The following ZNF407 variants were observed in gnomAD, a reference collection of about 807,000 sequenced individuals.
ZNF407 encodes zinc finger protein 407.
Under a neutral mutation model 131.2 loss-of-function variants are expected in ZNF407, and 17 were observed. That is an observed-to-expected ratio of 0.13 (90% CI 0.09 to 0.19). The LOEUF (loss-of-function observed/expected upper bound fraction) is 0.19. Among genes scored for constraint, ZNF407 ranks in the 10% least tolerant of loss-of-function variants. The pLI is 1.00. For synonymous variants in ZNF407, 1,156 were observed against 1,062.0 expected (o/e 1.09, Z -1.72); for missense variants, 2,681 against 2,830.6 (o/e 0.95, Z 1.20).
intron 4 of ZNF407, among the ~76,000 whole-genome samples, chr18:74,805,206 C>T (rs1176758024): frequency 6.6e-6 from 1 of 152,162 alleles, no homozygotes; most frequent in African/African-American, 2.4e-5. Context: ...CTTGGGCTTT[C>T]ATTTCAGAAC....
At position 74,949,999 on chromosome 18, in the gene ZNF407, G is replaced by C. The variant is rs532575518; in HGVS notation, c.5428+29307G>C. The stretch of plus-strand genomic sequence containing the variant: ...CTGATGGCTCCAGATGACCATCCTG[G>C]CTAATATTGCCTTCCCAGCAGCAGT... On this transcript the variant is annotated intron_variant, in intron 8 of 8. Coordinates refer to ENST00000299687, the MANE Select transcript of ZNF407 (RefSeq NM_017757.3). Among the ~76,000 whole-genome samples the C allele has an allele frequency of 3.9e-5, 6 of 152,274 alleles. No individual in the cohort carries two copies. The South Asian group carries it at 1.2e-3, about 32-fold the overall frequency.
intron 3 of ZNF407, among the ~76,000 whole-genome samples, chr18:74,726,302 A>G (rs890317544): frequency 6.6e-6 from 1 of 152,172 alleles, no homozygotes; most frequent in African/African-American, 2.4e-5. Flanking sequence ...GAATCATCTT[A>G]TTAGATGTGT....
At position 74,641,211 on chromosome 18, in the gene ZNF407, A is replaced by G. The variant is rs1984700032; in HGVS notation, c.4802+89A>G. 1.1e-5 allele frequency: 11 copies of G among 989,686 alleles called. No homozygotes were observed. The South Asian group carries it at 1.2e-4, about 11-fold the overall frequency. The allele number at this position is 989,686 out of a possible 1,614,324, so 61.3% of individuals were successfully genotyped here. On this transcript the variant is annotated intron_variant, in intron 3 of 8. Coordinates refer to ENST00000299687, the MANE Select transcript of ZNF407 (RefSeq NM_017757.3). ...TCGGAATTCAAAACCGATAGGAGTAAGAGTGGCTAAAATTATGCATGCGTA... is the reference window on the plus strand; with the variant it reads ...TCGGAATTCAAAACCGATAGGAGTAGGAGTGGCTAAAATTATGCATGCGTA...
In ZNF407 at chr18:74,755,777, C is replaced by T. The variant is rs1423635777; in HGVS notation, c.4803-25651C>T. On this transcript the variant is annotated intron_variant, in intron 3 of 8. Transcript: ENST00000299687. ...TCTTTCTTTCTTTCTTTCTTTCTCT[C>T]TCTCTCTTTCCTTCCTTCTTTCATT... Among the ~76,000 whole-genome samples the T allele has an allele frequency of 4.0e-3, 513 of 129,624 alleles. 5 individuals carry two copies. The highest frequency in any genetic ancestry group is 0.014 in the African/African-American group (445 of 32,690). The allele number at this position is 129,624 out of a possible 152,430, so 85.0% of individuals were successfully genotyped here. A position where few individuals can be genotyped will look rare whatever the true frequency, so the allele number is the denominator to read the frequency against.
chr18:74,930,278 A>G (rs1971967232), intron 8 of ZNF407, among the ~76,000 whole-genome samples: 1 of 152,238 alleles, frequency 6.6e-6, no homozygotes, highest in South Asian at 2.1e-4. Flanking sequence ...GTCATTTAAG[A>G]AAATACCAGA....
intron 3 of ZNF407, among the ~76,000 whole-genome samples, chr18:74,702,732 T>A (rs916872729): frequency 1.3e-5 from 2 of 152,218 alleles, no homozygotes; most frequent in African/African-American, 4.8e-5. Context: ...CCTATAAACA[T>A]TGATATGCAT....
At chr18:74,853,484 T>G (rs1460074344) in intron 4 of ZNF407, among the ~76,000 whole-genome samples, 1 of 152,212 alleles carries the variant, frequency 6.6e-6, no homozygotes, top group East Asian at 1.9e-4. Flanking sequence ...CAGAGTTGTC[T>G]TCTTTGCATC....
intron 3 of ZNF407, among the ~76,000 whole-genome samples, chr18:74,768,682 G>T (rs1007250421): frequency 6.6e-6 from 1 of 152,108 alleles, no homozygotes; most frequent in African/African-American, 2.4e-5. Flanking sequence ...TTACACCGTT[G>T]TTATATTCCA....
chr18:74,635,825 C>G lies in ZNF407; in HGVS notation c.4687+119C>G. 1 of 1,353,510 alleles carries G rather than the reference C, an allele frequency of 7.4e-7. No individual in the cohort carries two copies. The highest frequency in any genetic ancestry group is 1.5e-5 in the South Asian group (1 of 66,780). 83.8% of individuals were successfully genotyped at this position (1,353,510 alleles called of 1,614,324 possible). On this transcript the variant is annotated intron_variant, in intron 2 of 8. Coordinates refer to ENST00000299687, the MANE Select transcript of ZNF407 (RefSeq NM_017757.3). The surrounding 1 kb of genome is among the most constrained non-coding windows in gnomAD (Gnocchi z 4.7). Reference sequence around the variant, plus strand: ...TTCCACCCGGTTCACATTTCACTGCCGTGTGCTGCTCTGCTTGTCTGCAAT... The same window carrying G: ...TTCCACCCGGTTCACATTTCACTGCGGTGTGCTGCTCTGCTTGTCTGCAAT...
At chr18:74,911,708 T>G (rs754380822) in intron 7 of ZNF407, among the ~76,000 whole-genome samples, 1 of 152,158 alleles carries the variant, frequency 6.6e-6, no homozygotes, top group African/African-American at 2.4e-5. Context: ...TTTGTAAGAT[T>G]TACTAAGTCA....
chr18:75,051,399 A>G (rs1443088915), intron 8 of ZNF407, among the ~76,000 whole-genome samples: 2 of 152,202 alleles, frequency 1.3e-5, no homozygotes, highest in Non-Finnish European at 2.9e-5. Flanking sequence ...TAGTCATGCA[A>G]CTGATTATCA....
chr18:74,867,162 T>C (rs1029017547), intron 4 of ZNF407, among the ~76,000 whole-genome samples: 2 of 152,188 alleles, frequency 1.3e-5, no homozygotes, highest in African/African-American at 4.8e-5. Context: ...AGGATTCTAG[T>C]GTTAATAAAT....
chr18:74,921,300 A>G (rs1971843876), intron 8 of ZNF407, among the ~76,000 whole-genome samples: 1 of 152,220 alleles, frequency 6.6e-6, no homozygotes, highest in African/African-American at 2.4e-5. Flanking sequence ...TGTGGCTGCA[A>G]CTGCAGAGTA....
chr18:74,614,971 A>G (rs1039696994), intron 1 of ZNF407, among the ~76,000 whole-genome samples: 1 of 152,016 alleles, frequency 6.6e-6, no homozygotes, highest in African/African-American at 2.4e-5. Context: ...TGTTTTGCAG[A>G]CTCCCTTGCA....
intron 8 of ZNF407, among the ~76,000 whole-genome samples, chr18:74,983,873 C>T (rs191428648): frequency 2.0e-5 from 3 of 152,278 alleles, no homozygotes; most frequent in East Asian, 3.9e-4. Context: ...TAGCCTGGCA[C>T]CGAGCAGCTC....
chr18:75,064,299 C>A lies in ZNF407; in HGVS notation c.6578C>A (p.Thr2193Asn). Residue 2193 changes from threonine to asparagine, a missense_variant, in exon 9 of 9, where the codon ACT becomes AAT. Transcript: ENST00000299687. ...CTGTACTCCCACACCGTGCTGGAGA[C>A]TGCGGACTCGCAGGAACTCCTGCAG... Reference protein sequence around the residue: ...PGLYSHTVLETADSQELLQAG... With the variant: ...PGLYSHTVLENADSQELLQAG... 6.2e-7 allele frequency: 1 copy of A among 1,603,032 alleles called. No individual in the cohort carries two copies. The highest frequency in any genetic ancestry group is 1.7e-5 in the Admixed American group (1 of 59,342).
In ZNF407 at chr18:74,745,607, A is replaced by T. The variant is rs145678713; in HGVS notation, c.4803-35821A>T. Among the ~76,000 whole-genome samples, 1,057 of 152,248 alleles carry T rather than the reference A, an allele frequency of 6.9e-3. 5 individuals are homozygous for T. Among genetic ancestry groups the T allele is most frequent in the Non-Finnish European group, 0.012 (805 of 68,002 alleles). On this transcript the variant is annotated intron_variant, in intron 3 of 8. Coordinates refer to ENST00000299687, the MANE Select transcript of ZNF407 (RefSeq NM_017757.3). ...CCTATGTGTTTGATTTTAGTAATTGAACTTACGTATTTGTTTTATGTTAGT... is the reference window on the plus strand; with the variant it reads ...CCTATGTGTTTGATTTTAGTAATTGTACTTACGTATTTGTTTTATGTTAGT...
At chr18:74,946,749 CAG>C (rs1972158067) in intron 8 of ZNF407, among the ~76,000 whole-genome samples, 1 of 152,020 alleles carries the variant, frequency 6.6e-6, no homozygotes, top group Non-Finnish European at 1.5e-5. Flanking sequence ...GCAGATAAAA[CAG>C]ATTTTTTAAA....
intron 8 of ZNF407, among the ~76,000 whole-genome samples, chr18:74,999,175 A>G (rs1208349938): frequency 7.5e-4 from 59 of 78,690 alleles, no homozygotes; most frequent in Middle Eastern, 4.2e-3. Flanking sequence ...AGGAAGGGGA[A>G]TATCACACTC....
Sources: gnomAD v4.1 joint callset for allele counts (sites outside exome capture counted in the v4.1 genomes callset) on GRCh38, gnomAD v4.1.1 for gene constraint, Gnocchi (gnomAD v3.1) non-coding constraint, MANE v1.5 for transcripts, NCBI Gene and HGNC (gene_info 2026-07-23, HGNC 2026-07-21) for gene names.